SEL1L2: variants seen among roughly 807,000 people sequenced by gnomAD.
SEL1L2 encodes the protein protein sel-1 homolog 2.
In SEL1L2, 89 loss-of-function variants were observed where a neutral mutation model predicts 98.8. That is an observed-to-expected ratio of 0.90 (90% CI 0.76 to 1.07). SEL1L2 has a LOEUF of 1.07. Ranked by LOEUF, SEL1L2 falls within the 50% of genes least tolerant of loss-of-function variation. The pLI, the probability that SEL1L2 is intolerant of heterozygous loss-of-function variation, is 0.00. For synonymous variants in SEL1L2, 262 were observed against 278.5 expected (o/e 0.94, Z 0.59); for missense variants, 788 against 812.0 (o/e 0.97, Z 0.36).
intron 18 of SEL1L2, among the ~76,000 whole-genome samples, chr20:13,858,501 A>T (rs138620155): frequency 6.6e-6 from 1 of 152,318 alleles, no homozygotes; most frequent in African/African-American, 2.4e-5. Flanking sequence ...CACAGTGGAT[A>T]GTTCTAGGGC....
Position 13,885,342 on chromosome 20 carries a change from C to T in SEL1L2, c.957+5G>A. ...CCATTTGACTGGATCTTGAGATTGACTTACGTAGTAATCCTGATCTAGACC... is the reference window on the plus strand; with the variant it reads ...CCATTTGACTGGATCTTGAGATTGATTTACGTAGTAATCCTGATCTAGACC... On this transcript the variant is annotated splice_donor_5th_base_variant and intron_variant, in intron 10 of 19. Transcript: ENST00000284951. 1 of 1,582,998 alleles carries T rather than the reference C, an allele frequency of 6.3e-7. No homozygotes were observed. The highest frequency in any genetic ancestry group is 8.7e-7 in the Non-Finnish European group (1 of 1,151,822).
At chr20:13,933,130 A>C (rs1600809841) in intron 2 of SEL1L2, among the ~76,000 whole-genome samples, 1 of 152,054 alleles carries the variant, frequency 6.6e-6, no homozygotes, top group Non-Finnish European at 1.5e-5. Flanking sequence ...AATTGCTTGA[A>C]CCTGCGAGGC....
intron 5 of SEL1L2, among the ~76,000 whole-genome samples, chr20:13,896,041 G>A (rs1026756002): frequency 3.3e-5 from 5 of 152,284 alleles, no homozygotes; most frequent in African/African-American, 1.2e-4. Flanking sequence ...CAAGCGTGGT[G>A]GCAGGTGCCT....
At chr20:13,907,293 G>A (rs1470811103) in intron 5 of SEL1L2, among the ~76,000 whole-genome samples, 1 of 152,136 alleles carries the variant, frequency 6.6e-6, no homozygotes, top group African/African-American at 2.4e-5. Flanking sequence ...AAAGAAAATA[G>A]GTGGCTCATG....
At chr20:13,987,605 C>A (rs769465164) in intron 1 of SEL1L2, among the ~76,000 whole-genome samples, 3 of 152,074 alleles carry the variant, frequency 2.0e-5, no homozygotes, top group Non-Finnish European at 2.9e-5. Flanking sequence ...GCCTCAGCCT[C>A]CCAAAGTGCT....
In SEL1L2 at chr20:13,930,463, C is replaced by T. The variant is rs141863720; in HGVS notation, c.283+1140G>A. On this transcript the variant is annotated intron_variant, in intron 3 of 19. Coordinates refer to ENST00000284951, the MANE Select transcript of SEL1L2 (RefSeq NM_025229.2). ...TTGTGGTTTCCCTATATCCTGTCTACGCCTTTAGAAATAAATAGTCTCTTT... is the reference window on the plus strand; with the variant it reads ...TTGTGGTTTCCCTATATCCTGTCTATGCCTTTAGAAATAAATAGTCTCTTT... 2.8e-3 allele frequency among the ~76,000 whole-genome samples: 425 copies of T among 152,288 alleles called. 2 individuals are homozygous for T. The highest frequency in any genetic ancestry group is 9.6e-3 in the African/African-American group (400 of 41,566).
At chr20:13,986,958 G>C (rs925328592) in intron 1 of SEL1L2, among the ~76,000 whole-genome samples, 4 of 152,030 alleles carry the variant, frequency 2.6e-5, no homozygotes, top group African/African-American at 7.2e-5. Context: ...TCAGCCTCCC[G>C]AGTAGCTGGG....
chr20:13,858,786 G>A (rs953627810), intron 18 of SEL1L2, among the ~76,000 whole-genome samples: 4 of 152,306 alleles, frequency 2.6e-5, no homozygotes, highest in African/African-American at 7.2e-5. Flanking sequence ...CCTTTCTAGA[G>A]TATCCAGCAC....
intron 3 of SEL1L2, among the ~76,000 whole-genome samples, chr20:13,926,083 A>T (rs375182105): frequency 6.6e-6 from 1 of 152,134 alleles, no homozygotes; most frequent in Non-Finnish European, 1.5e-5. Context: ...CTTTGGGAGG[A>T]CAAGGCGGGC....
At chr20:13,912,770 A>C (rs2048259198) in intron 5 of SEL1L2, among the ~76,000 whole-genome samples, 1 of 152,248 alleles carries the variant, frequency 6.6e-6, no homozygotes, top group Non-Finnish European at 1.5e-5. Flanking sequence ...CCATAGGCAC[A>C]GTATCCAGTG....
intron 14 of SEL1L2, 36 bp from the exon 15 acceptor site, chr20:13,866,886 G>T: frequency 6.4e-7 from 1 of 1,559,366 alleles, no homozygotes; most frequent in South Asian, 1.2e-5. Context: ...ACCCCTTATT[G>T]ACTTTATTTT....
chr20:13,849,699 C>G, intron 19 of SEL1L2, 95 bp from the exon 20 acceptor site: 8 of 1,425,320 alleles, frequency 5.6e-6, no homozygotes, highest in Non-Finnish European at 7.7e-6. Flanking sequence ...ACCAACCCTC[C>G]TCCCACCCAT....
chr20:13,927,282 T>A (rs1346481385), intron 3 of SEL1L2, among the ~76,000 whole-genome samples: 1 of 152,242 alleles, frequency 6.6e-6, no homozygotes, highest in Admixed American at 6.5e-5. Flanking sequence ...GTTTACATCC[T>A]AGCTCTCTAC....
chr20:13,859,685 G>C (rs1020867366), intron 17 of SEL1L2, among the ~76,000 whole-genome samples: 1 of 152,094 alleles, frequency 6.6e-6, no homozygotes, highest in Admixed American at 6.6e-5. Context: ...TGCATGTTTT[G>C]TTGTTGTTGT....
At chr20:13,902,391 A>G (rs568457725) in intron 5 of SEL1L2, among the ~76,000 whole-genome samples, 1 of 152,350 alleles carries the variant, frequency 6.6e-6, no homozygotes, top group South Asian at 2.1e-4. Context: ...CAGTTTTCAA[A>G]ATAATGTGAG....
chr20:13,932,882 G>A (rs2049215599), intron 2 of SEL1L2, among the ~76,000 whole-genome samples: 1 of 152,098 alleles, frequency 6.6e-6, no homozygotes, highest in African/African-American at 2.4e-5. Context: ...AGGGGCCAGA[G>A]CAAGCAGAAA....
At chr20:13,983,048 A>AAAAAAAAAAAAAAAAC (rs2051935324) in intron 1 of SEL1L2, among the ~76,000 whole-genome samples, 1 of 135,208 alleles carries the variant, frequency 7.4e-6, no homozygotes, top group Non-Finnish European at 1.6e-5. Context: ...AAAAAAAAAA[A>AAAAAAAAAAAAAAAAC]GCAGCAGCCA....
chr20:13,975,874 G>T (rs1327020199), intron 1 of SEL1L2, among the ~76,000 whole-genome samples: 2 of 152,172 alleles, frequency 1.3e-5, no homozygotes, highest in Non-Finnish European at 2.9e-5. Flanking sequence ...TGTTTATAGA[G>T]ACAGGGTCTT....
intron 14 of SEL1L2, 117 bp downstream of exon 14, chr20:13,869,386 T>C: frequency 1.4e-6 from 1 of 728,520 alleles, no homozygotes; most frequent in Non-Finnish European, 2.4e-6. Flanking sequence ...TTTAATTTGT[T>C]GCCTAAATGT....
Sources: allele counts gnomAD v4.1 joint callset (sites outside exome capture counted in the v4.1 genomes callset), GRCh38; gene constraint gnomAD v4.1.1; transcripts MANE v1.5; gene names NCBI Gene and HGNC (gene_info 2026-07-23, HGNC 2026-07-21).